CCDC32: variants seen among roughly 807,000 people sequenced by gnomAD.
CCDC32 encodes the protein coiled-coil domain containing 32, also known as coiled-coil domain-containing protein 32.
A neutral mutation model predicts 20.1 loss-of-function variants in CCDC32; 9 were observed. The ratio of observed to expected loss-of-function variants is 0.45; its 90% CI spans 0.27 to 0.78. The LOEUF (loss-of-function observed/expected upper bound fraction) is 0.78. CCDC32 is among the 30% of genes least tolerant of loss of function. The pLI, the probability that CCDC32 is intolerant of heterozygous loss-of-function variation, is 0.16. For synonymous variants in CCDC32, 63 were observed against 79.0 expected, an observed-to-expected ratio of 0.80 and a Z score of 1.07; for missense variants, 204 against 215.5, an observed-to-expected ratio of 0.95 and a Z score of 0.33.
downstream of CCDC32, among the ~76,000 whole-genome samples, chr15:40,551,962 G>A (rs147100422): frequency 2.2e-4 from 33 of 152,090 alleles, no homozygotes; most frequent in African/African-American, 7.7e-4. Context: ...AGACTAACCT[G>A]GGCAAAATAA....
In CCDC32 at chr15:40,553,949, TG is replaced by T; in HGVS notation, c.*21del. 9.6e-7 allele frequency: 1 copy of T among 1,042,430 alleles called. No individual in the cohort carries two copies. Among genetic ancestry groups the T allele is most frequent in the Non-Finnish European group, 1.4e-6 (1 of 724,512 alleles). 64.6% of individuals were successfully genotyped at this position (1,042,430 alleles called of 1,614,324 possible). ...GTGTGTGTGTGTGTGTGTGTGTGTG[TG>T]TGTGTGTGTGTGTGTGTAATTTACT... On this transcript the variant is annotated 3_prime_UTR_variant, in exon 4 of 4. Coordinates refer to ENST00000416810, the MANE Select transcript of CCDC32 (RefSeq NM_001080792.4).
intron 3 of CCDC32, among the ~76,000 whole-genome samples, chr15:40,555,838 C>A (rs547802889): frequency 6.6e-6 from 1 of 151,868 alleles, no homozygotes; most frequent in South Asian, 2.1e-4. Flanking sequence ...AAATCACATT[C>A]CCCTAAGATC....
At chr15:40,534,883 G>T, downstream of CCDC32, 1 of 702,466 alleles carries the variant, frequency 1.4e-6, no homozygotes, top group Non-Finnish European at 2.6e-6. Context: ...CACCATCAAA[G>T]TGAGGAAGTG....
chr15:40,539,430 A>G (rs761413313), intron 3 of CCDC32: 34 of 1,289,008 alleles, frequency 2.6e-5, no homozygotes, highest in Non-Finnish European at 3.1e-5. Flanking sequence ...TAACAGAGTC[A>G]AAGAGAGACA....
chr15:40,522,345 C>T, the CCDC32 span, among the ~76,000 whole-genome samples: 1 of 152,212 alleles, frequency 6.6e-6, no homozygotes. Flanking sequence ...ACCACACTGT[C>T]TTGATTACCA....
At chr15:40,552,221 C>G (rs1008545084), downstream of CCDC32, among the ~76,000 whole-genome samples, 1 of 151,716 alleles carries the variant, frequency 6.6e-6, no homozygotes, top group Non-Finnish European at 1.5e-5. Flanking sequence ...GTGGCTCATG[C>G]GTGTAATCCC....
rs527459090 is a variant in CCDC32 at position 40,547,893 on chromosome 15, G to A, written c.402-8538C>T. 4.9e-4 allele frequency among the ~76,000 whole-genome samples: 75 copies of A among 152,282 alleles called. 1 individual carries two copies. The South Asian group carries it at 0.012, about 24-fold the overall frequency. ...CCCAGGGGAGGCCTGTACAAAAAAG[G>A]TTGCCTTTGCACGCACTCTCGTGTC... On this transcript the variant is annotated intron_variant, in intron 3 of 3. Transcript: ENST00000558113.
At chr15:40,563,995 C>T (rs575697572) in intron 1 of CCDC32, among the ~76,000 whole-genome samples, 6 of 152,032 alleles carry the variant, frequency 3.9e-5, no homozygotes, top group Non-Finnish European at 7.4e-5. Flanking sequence ...TAATTTTTTG[C>T]ATTTTTTAGT....
chr15:40,535,715 A>C, downstream of CCDC32: 1 of 883,498 alleles, frequency 1.1e-6, no homozygotes, highest in Non-Finnish European at 1.3e-6. Flanking sequence ...ATTTGAGCAC[A>C]TGTGGTTTAT....
At chr15:40,532,706 T>TTTTCTTTC (rs757607356), downstream of CCDC32, among the ~76,000 whole-genome samples, 5 of 126,340 alleles carry the variant, frequency 4.0e-5, no homozygotes, top group Admixed American at 7.9e-5. Context: ...CTTGAATTTG[T>TTTTCTTTC]TTTCTTTCTT....
At chr15:40,561,496 C>G (rs1321427076) in intron 2 of CCDC32, among the ~76,000 whole-genome samples, 1 of 149,118 alleles carries the variant, frequency 6.7e-6, no homozygotes, top group Non-Finnish European at 1.5e-5. Flanking sequence ...AAAACAACAA[C>G]CAAAAAAAAA....
chr15:40,535,451 G>T, downstream of CCDC32: 1 of 992,030 alleles, frequency 1.0e-6, no homozygotes, highest in South Asian at 4.6e-5. Context: ...ATTTGATCTA[G>T]GGTGTTTACA....
At chr15:40,551,833 A>G (rs1039969198), downstream of CCDC32, among the ~76,000 whole-genome samples, 7 of 116,056 alleles carry the variant, frequency 6.0e-5, no homozygotes, top group African/African-American at 2.1e-4. Context: ...AAAAAAAAAA[A>G]AAAAGGTTAA....
At chr15:40,523,082 G>C in the CCDC32 span, among the ~76,000 whole-genome samples, 53,412 of 150,908 alleles carry the variant, frequency 0.35, 9,593 homozygotes, top group Middle Eastern at 0.39. Context: ...AGGAGTTTGA[G>C]ACTAGCCTGG....
At chr15:40,551,003 T>G (rs184107456), downstream of CCDC32, among the ~76,000 whole-genome samples, 48 of 152,334 alleles carry the variant, frequency 3.2e-4, no homozygotes, top group Non-Finnish European at 5.4e-4. Context: ...TGCTTTTTTT[T>G]TCTTAAACTG....
chr15:40,553,892 G>A lies in CCDC32; in HGVS notation c.*79C>T, dbSNP rs1352421818. 3.4e-5 allele frequency: 49 copies of A among 1,457,962 alleles called. No homozygotes were observed. Among genetic ancestry groups the A allele is most frequent in the Non-Finnish European group, 4.3e-5 (47 of 1,087,632 alleles). The allele number at this position is 1,457,962 out of a possible 1,614,324, so 90.3% of individuals were successfully genotyped here. A position where few individuals can be genotyped will look rare whatever the true frequency, so the allele number is the denominator to read the frequency against. ...TCCACGCTGCTCGCTCTGGACCCGA[G>A]ACAGCTGCTCGGCGTGTGTGTGTGT... On this transcript the variant is annotated 3_prime_UTR_variant, in exon 4 of 4. Coordinates refer to ENST00000416810, the MANE Select transcript of CCDC32 (RefSeq NM_001080792.4).
downstream of CCDC32, among the ~76,000 whole-genome samples, chr15:40,524,831 A>G (rs2141592879): frequency 7.0e-6 from 1 of 142,142 alleles, no homozygotes; most frequent in South Asian, 2.1e-4. Flanking sequence ...GGGTCAAGCA[A>G]TCCTCCTGCC....
At chr15:40,561,276 C>A (rs1890605917) in intron 2 of CCDC32, among the ~76,000 whole-genome samples, 4 of 151,764 alleles carry the variant, frequency 2.6e-5, no homozygotes, top group Non-Finnish European at 5.9e-5. Flanking sequence ...AGTTCGAGAC[C>A]ACTCTGACCA....
At chr15:40,527,907 A>T (rs187715791), downstream of CCDC32, among the ~76,000 whole-genome samples, 1 of 152,338 alleles carries the variant, frequency 6.6e-6, no homozygotes, top group East Asian at 1.9e-4. Flanking sequence ...GTTATAAGCA[A>T]CAGAAAACAG....
Sources: gnomAD v4.1 joint callset for allele counts (sites outside exome capture counted in the v4.1 genomes callset) on GRCh38, gnomAD v4.1.1 for gene constraint, MANE v1.5 for transcripts, NCBI Gene and HGNC (gene_info 2026-07-23, HGNC 2026-07-21) for gene names.